The following ABCC12 variants were observed in gnomAD, a reference collection of about 807,000 sequenced individuals.
ABCC12 encodes ATP-binding cassette sub-family C member 12.
A neutral mutation model predicts 151.1 loss-of-function variants in ABCC12; 142 were observed. The ratio of observed to expected loss-of-function variants is 0.94; its 90% CI spans 0.82 to 1.08. The LOEUF is 1.08. Among genes scored for constraint, ABCC12 ranks in the 50% least tolerant of loss-of-function variants. The pLI is 0.00. For missense variants in ABCC12, 1,638 were observed against 1,691.1 expected (o/e 0.97, Z 0.55); for synonymous variants, 645 against 646.4 (o/e 1.00, Z 0.03).
At chr16:48,146,072 T>TC (rs143998458) in intron 3 of ABCC12, among the ~76,000 whole-genome samples, 4,893 of 152,148 alleles carry the variant, frequency 0.032, 249 homozygotes, top group African/African-American at 0.11. Context: ...CTTGGACAGG[T>TC]CTGGATCATG....
rs777397815 is a variant in ABCC12 at position 48,130,877 on chromosome 16, T to C, written c.1147A>G (p.Met383Val). The C allele has an allele frequency of 1.2e-6, 2 of 1,612,322 alleles. No individual in the cohort carries two copies. The highest frequency in any genetic ancestry group is 1.7e-5 in the Admixed American group (1 of 60,020). ...TAPVAFSVIAMFNVMKFSIAI... is the reference protein window; with the variant it reads ...TAPVAFSVIAVFNVMKFSIAI... ...ATGGAAAACTTCATTACATTAAACA[T>C]GGCAATCACACTAAATGCCTGAAGA... Residue 383 changes from methionine (M) to valine (V), a missense_variant, in exon 10 of 31, where the codon ATG becomes GTG. Coordinates refer to ENST00000311303, the MANE Select transcript of ABCC12 (RefSeq NM_001393797.1).
chr16:48,127,380 C>T (rs1964274772), intron 11 of ABCC12, among the ~76,000 whole-genome samples: 1 of 152,206 alleles, frequency 6.6e-6, no homozygotes, highest in African/African-American at 2.4e-5. Flanking sequence ...CCTAAACCCA[C>T]AGCGTTGCCT....
chr16:48,092,154 C>A (rs978393005), intron 24 of ABCC12, among the ~76,000 whole-genome samples: 34 of 152,244 alleles, frequency 2.2e-4, no homozygotes, highest in Admixed American at 7.8e-4. Flanking sequence ...GCATCTGACT[C>A]CACAACAGTG....
At chr16:48,102,512 C>G (rs1393611560) in intron 22 of ABCC12, among the ~76,000 whole-genome samples, 1 of 152,138 alleles carries the variant, frequency 6.6e-6, no homozygotes, top group Non-Finnish European at 1.5e-5. Flanking sequence ...ACTTGGACAC[C>G]CTTCAAGAAC....
At chr16:48,105,875 C>T (rs1016017081) in intron 20 of ABCC12, among the ~76,000 whole-genome samples, 4 of 152,120 alleles carry the variant, frequency 2.6e-5, no homozygotes, top group Non-Finnish European at 5.9e-5. Context: ...CAAGGGGTAA[C>T]AGAGAGGGTG....
In ABCC12 at chr16:48,107,508, T is replaced by C; in HGVS notation, c.2372-83A>G. The C allele has an allele frequency of 1.3e-5, 16 of 1,230,610 alleles. No homozygotes were observed. The South Asian group carries it at 1.6e-4, about 12-fold the overall frequency. 76.2% of individuals were successfully genotyped at this position (1,230,610 alleles called of 1,614,324 possible). A position where few individuals can be genotyped will look rare whatever the true frequency, so the allele number is the denominator to read the frequency against. On this transcript the variant is annotated intron_variant, in intron 19 of 30. Coordinates refer to ENST00000311303, the MANE Select transcript of ABCC12 (RefSeq NM_001393797.1). Reference sequence around the variant, plus strand: ...GACCTTCCTCAGGACCCAACCCTGATGGGAAATTCAAAACCTGCAGGAAAA... The same window carrying C: ...GACCTTCCTCAGGACCCAACCCTGACGGGAAATTCAAAACCTGCAGGAAAA...
intron 13 of ABCC12, among the ~76,000 whole-genome samples, chr16:48,118,457 C>T (rs1963964334): frequency 6.6e-6 from 1 of 152,220 alleles, no homozygotes; most frequent in African/African-American, 2.4e-5. Context: ...TGAGCAGCAC[C>T]ACTGGGCCTT....
intron 11 of ABCC12, among the ~76,000 whole-genome samples, chr16:48,126,480 C>T (rs1964244318): frequency 6.6e-6 from 1 of 152,194 alleles, no homozygotes; most frequent in African/African-American, 2.4e-5. Flanking sequence ...TTGGAAAAAC[C>T]TGGATGCCCT....
intron 14 of ABCC12, 88 bp downstream of exon 14, chr16:48,117,173 A>T: frequency 7.6e-7 from 1 of 1,309,808 alleles, no homozygotes. Context: ...CTGGATGTGG[A>T]ACAGGGGCTT....
intron 2 of ABCC12, among the ~76,000 whole-genome samples, chr16:48,147,517 T>C (rs1965041468): frequency 6.6e-6 from 1 of 152,204 alleles, no homozygotes; most frequent in East Asian, 1.9e-4. Context: ...ATCAAGTTGT[T>C]AGTGGCTGAT....
At chr16:48,104,510 G>A (rs1348166902) in intron 21 of ABCC12, 142 bp from the exon 22 acceptor site, 3 of 706,100 alleles carry the variant, frequency 4.2e-6, no homozygotes, top group Non-Finnish European at 4.7e-6. Flanking sequence ...TCTTGGGAAA[G>A]GGAGGATGCA....
At position 48,111,330 on chromosome 16, in the gene ABCC12, G is replaced by A. The variant is rs191954424; in HGVS notation, c.2281+106C>T. 4.4e-6 allele frequency: 6 copies of A among 1,357,916 alleles called. No homozygotes were observed. In the East Asian group the frequency reaches 6.9e-5, roughly 16 times the overall value. 84.1% of individuals were successfully genotyped at this position (1,357,916 alleles called of 1,614,324 possible). ...ACAGTACCCTAGACCATCCAATTCTGGCTGCCCAAAATGACATGCACAGTG... is the reference window on the plus strand; with the variant it reads ...ACAGTACCCTAGACCATCCAATTCTAGCTGCCCAAAATGACATGCACAGTG... On this transcript the variant is annotated intron_variant, in intron 18 of 30. Coordinates refer to ENST00000311303, the MANE Select transcript of ABCC12 (RefSeq NM_001393797.1).
At position 48,128,629 on chromosome 16, in the gene ABCC12, T is replaced by C. The variant is rs747478812; in HGVS notation, c.1345A>G (p.Arg449Gly). The C allele has an allele frequency of 1.4e-5, 22 of 1,614,120 alleles. No homozygotes were observed. Among genetic ancestry groups the C allele is most frequent in the Non-Finnish European group, 1.0e-5 (12 of 1,180,034 alleles). The change falls in exon 11 of 31, where the codon AGG becomes GGG. Residue 449 changes from arginine to glycine, a missense_variant. Physicochemically the swap from Arg to Gly is moderately radical, Grantham distance 125. Coordinates refer to ENST00000311303, the MANE Select transcript of ABCC12 (RefSeq NM_001393797.1). ...TGCAATTTCTTTGGGGTACTTTTCCTGCTGGCTTCATGCTCCCATGTCAAG... is the reference window on the plus strand; with the variant it reads ...TGCAATTTCTTTGGGGTACTTTTCCCGCTGGCTTCATGCTCCCATGTCAAG... ...ATLTWEHEAS[R>G]KSTPKKLQNQ...
rs1171896414 is a variant in ABCC12, at chr16:48,082,637, G to A, written c.*1078C>T. 6.6e-6 allele frequency among the ~76,000 whole-genome samples: 1 copy of A among 152,130 alleles called. No homozygotes were observed. Among genetic ancestry groups the A allele is most frequent in the African/African-American group, 2.4e-5 (1 of 41,436 alleles). ...AAGGGAAGTGGGGTGGGGGGTTGTG[G>A]TCTGGAAGCTTTGCTGACCACACTG... On this transcript the variant is annotated 3_prime_UTR_variant, in exon 31 of 31. Transcript: ENST00000311303.
intron 10 of ABCC12, 145 bp from the exon 11 acceptor site, chr16:48,128,882 A>G: frequency 1.1e-6 from 1 of 939,120 alleles, no homozygotes; most frequent in Non-Finnish European, 1.6e-6. Flanking sequence ...TTATTCCCCC[A>G]GGAGAAGCTG....
intron 2 of ABCC12, among the ~76,000 whole-genome samples, chr16:48,151,412 T>G (rs114130553): frequency 0.01 from 1,564 of 152,258 alleles, 32 homozygotes; most frequent in African/African-American, 0.036. Context: ...ACCTGACAAC[T>G]ACCTGTGAAG....
chr16:48,133,587 G>A, intron 9 of ABCC12, 100 bp downstream of exon 9: 2 of 1,324,124 alleles, frequency 1.5e-6, no homozygotes, highest in Non-Finnish European at 2.1e-6. Context: ...ATGATTGGAT[G>A]TTCCTAATGC....
chr16:48,108,126 T>C (rs1963560535), intron 19 of ABCC12, among the ~76,000 whole-genome samples: 1 of 152,192 alleles, frequency 6.6e-6, no homozygotes, highest in Non-Finnish European at 1.5e-5. Context: ...GAGCATCTTT[T>C]ATGGAAGGCT....
chr16:48,128,259 G>A (rs996854562), intron 11 of ABCC12, among the ~76,000 whole-genome samples, 200 bp downstream of exon 11: 11 of 152,166 alleles, frequency 7.2e-5, no homozygotes, highest in African/African-American at 2.2e-4. Flanking sequence ...TATAACCACC[G>A]TCTTCTCCAC....
Sources: gnomAD v4.1 joint callset for allele counts (sites outside exome capture counted in the v4.1 genomes callset) on GRCh38, gnomAD v4.1.1 for gene constraint, MANE v1.5 for transcripts, NCBI Gene and HGNC (gene_info 2026-07-23, HGNC 2026-07-21) for gene names.